The following CAMK4 variants were observed in gnomAD, a reference collection of about 807,000 sequenced individuals.
CAMK4 encodes the protein calcium/calmodulin dependent protein kinase IV, also known as calcium/calmodulin-dependent protein kinase type IV.
In CAMK4, 22 loss-of-function variants were observed where a neutral mutation model predicts 44.9. The observed-to-expected ratio is 0.49, with a 90% CI of 0.35 to 0.70. The LOEUF (loss-of-function observed/expected upper bound fraction) is 0.70. Ranked by LOEUF, CAMK4 falls within the 30% of genes least tolerant of loss-of-function variation. The pLI, the probability that CAMK4 is intolerant of heterozygous loss-of-function variation, is 0.01. For missense variants in CAMK4, 498 were observed against 586.8 expected, an observed-to-expected ratio of 0.85 and a Z score of 1.56; for synonymous variants, 218 against 215.4, an observed-to-expected ratio of 1.01 and a Z score of -0.11.
chr5:111,344,014 C>T lies in CAMK4; in HGVS notation c.162-10C>T, dbSNP rs767782600. On this transcript the variant is annotated splice_polypyrimidine_tract_variant and intron_variant, in intron 1 of 10. Transcript: ENST00000282356. ...CATAACATTTTCTTTTTGTCTTTTTCCCCCTCAAGGGGTGCTACATCCATT... is the reference window on the plus strand; with the variant it reads ...CATAACATTTTCTTTTTGTCTTTTTTCCCCTCAAGGGGTGCTACATCCATT... 9 of 1,547,784 alleles carry T rather than the reference C, an allele frequency of 5.8e-6. No homozygotes were observed. Among genetic ancestry groups the T allele is most frequent in the Middle Eastern group, 1.7e-4 (1 of 5,880 alleles).
At chr5:111,300,184 C>G (rs550930243) in intron 1 of CAMK4, among the ~76,000 whole-genome samples, 4 of 152,176 alleles carry the variant, frequency 2.6e-5, no homozygotes, top group Non-Finnish European at 5.9e-5. Flanking sequence ...CAATTGTATA[C>G]TAATGTCAGA....
At chr5:111,404,588 C>G (rs1752348308) in intron 5 of CAMK4, among the ~76,000 whole-genome samples, 1 of 152,144 alleles carries the variant, frequency 6.6e-6, no homozygotes, top group Non-Finnish European at 1.5e-5. Context: ...CTGTCATGGC[C>G]TTAGGTCCTG....
chr5:111,232,078 A>G (rs1580455191), intron 1 of CAMK4, among the ~76,000 whole-genome samples: 1 of 152,302 alleles, frequency 6.6e-6, no homozygotes, highest in Non-Finnish European at 1.5e-5. Flanking sequence ...TGTGCTACCT[A>G]AAGTCCTCTT....
At chr5:111,360,349 ACTGCCAGATGCTGT>A (rs1199075848) in intron 2 of CAMK4, among the ~76,000 whole-genome samples, 7 of 152,076 alleles carry the variant, frequency 4.6e-5, no homozygotes, top group African/African-American at 1.7e-4. Flanking sequence ...TACCAGGGCC[ACTGCCAGATGCTGT>A]CTGCAGTAGA....
At chr5:111,266,987 A>C (rs1355594275) in intron 1 of CAMK4, among the ~76,000 whole-genome samples, 1 of 152,124 alleles carries the variant, frequency 6.6e-6, no homozygotes, top group Admixed American at 6.5e-5. Context: ...AGTAAATATC[A>C]ACATTTTCCA....
chr5:111,392,868 G>A (rs1751853794), intron 4 of CAMK4, among the ~76,000 whole-genome samples: 1 of 152,062 alleles, frequency 6.6e-6, no homozygotes, highest in Admixed American at 6.6e-5. Context: ...ATACTGGATA[G>A]TAAAATAACC....
intron 1 of CAMK4, among the ~76,000 whole-genome samples, chr5:111,296,406 G>A (rs1397053392): frequency 6.6e-6 from 1 of 152,176 alleles, no homozygotes; most frequent in East Asian, 1.9e-4. Context: ...TGGTTCATTA[G>A]GGATGAATGT....
chr5:111,356,561 G>A (rs1285758070), intron 2 of CAMK4, among the ~76,000 whole-genome samples: 1 of 152,232 alleles, frequency 6.6e-6, no homozygotes, highest in African/African-American at 2.4e-5. Flanking sequence ...TGGTGTTTTA[G>A]ACATGAAGTC....
intron 9 of CAMK4, among the ~76,000 whole-genome samples, chr5:111,478,723 A>G (rs1481914870): frequency 2.0e-5 from 3 of 152,240 alleles, no homozygotes; most frequent in African/African-American, 7.2e-5. Flanking sequence ...ATCATAAACT[A>G]CAATTACTAC....
intron 5 of CAMK4, among the ~76,000 whole-genome samples, chr5:111,443,718 A>C (rs535570436): frequency 3.3e-4 from 51 of 152,266 alleles, no homozygotes; most frequent in African/African-American, 1.2e-3. Context: ...TTCTTTGCTA[A>C]ACAAAACTTA....
intron 1 of CAMK4, among the ~76,000 whole-genome samples, chr5:111,327,270 G>A (rs530543846): frequency 1.5e-3 from 222 of 149,460 alleles, no homozygotes; most frequent in African/African-American, 5.2e-3. Flanking sequence ...TTGGTTTTTT[G>A]TCCTTGTGAT....
intron 5 of CAMK4, among the ~76,000 whole-genome samples, chr5:111,425,569 C>A (rs1753196945): frequency 6.6e-6 from 1 of 152,162 alleles, no homozygotes; most frequent in Non-Finnish European, 1.5e-5. Flanking sequence ...TTTCTTCATT[C>A]ATTTGCCCAA....
At chr5:111,426,304 A>G (rs932823772) in intron 5 of CAMK4, among the ~76,000 whole-genome samples, 14 of 152,254 alleles carry the variant, frequency 9.2e-5, no homozygotes, top group Non-Finnish European at 2.9e-5. Flanking sequence ...GTTAAAGTGA[A>G]TTTTTATATA....
chr5:111,276,680 A>G (rs543589288), intron 1 of CAMK4, among the ~76,000 whole-genome samples: 2 of 152,172 alleles, frequency 1.3e-5, no homozygotes, highest in South Asian at 4.1e-4. Context: ...TATTTCAAAC[A>G]TGTTTCTGTT....
intron 1 of CAMK4, among the ~76,000 whole-genome samples, chr5:111,273,725 A>ATG (rs1232186160): frequency 7.6e-5 from 2 of 26,318 alleles, no homozygotes; most frequent in Non-Finnish European, 1.6e-4. Context: ...ATATACACAC[A>ATG]CATACATACA....
intron 4 of CAMK4, among the ~76,000 whole-genome samples, chr5:111,390,816 A>G (rs1487614679): frequency 1.3e-5 from 2 of 152,194 alleles, no homozygotes; most frequent in African/African-American, 4.8e-5. Context: ...GGGTATCCCC[A>G]TGAAGCCTAA....
At chr5:111,392,813 G>C (rs999631514) in intron 4 of CAMK4, among the ~76,000 whole-genome samples, 4 of 152,026 alleles carry the variant, frequency 2.6e-5, no homozygotes, top group Non-Finnish European at 5.9e-5. Flanking sequence ...ACTTATTCTA[G>C]GTCTGAGGCA....
intron 2 of CAMK4, among the ~76,000 whole-genome samples, chr5:111,350,747 C>A (rs915222539): frequency 6.6e-6 from 1 of 152,024 alleles, no homozygotes. Flanking sequence ...CAAAATTCTA[C>A]AAAATTTTCC....
At chr5:111,424,694 G>A (rs557295075) in intron 5 of CAMK4, among the ~76,000 whole-genome samples, 6 of 151,736 alleles carry the variant, frequency 4.0e-5, no homozygotes, top group African/African-American at 7.2e-5. Context: ...CGATCCGCCC[G>A]CCTTGGCCTC....
Sources: allele counts gnomAD v4.1 joint callset (sites outside exome capture counted in the v4.1 genomes callset), GRCh38; gene constraint gnomAD v4.1.1; transcripts MANE v1.5; gene names NCBI Gene and HGNC (gene_info 2026-07-23, HGNC 2026-07-21).